Variants in BAZ2B observed in about 807,000 individuals in gnomAD.
The protein encoded by BAZ2B is bromodomain adjacent to zinc finger domain protein 2B.
In BAZ2B, 91 loss-of-function variants were observed where a neutral mutation model predicts 246.0. The observed-to-expected ratio is 0.37, with a 90% confidence interval of 0.31 to 0.44. The LOEUF (loss-of-function observed/expected upper bound fraction) is 0.44. Ranked by LOEUF, BAZ2B falls within the 20% of genes least tolerant of loss-of-function variation. The pLI, the probability that BAZ2B is intolerant of heterozygous loss-of-function variation, is 1.00. For synonymous variants in BAZ2B, 855 were observed against 860.0 expected (o/e 0.99, Z 0.10); for missense variants, 2,332 against 2,533.7 (o/e 0.92, Z 1.71).
intron 25 of BAZ2B, among the ~76,000 whole-genome samples, chr2:159,375,904 T>C (rs900585817): frequency 1.3e-5 from 2 of 152,172 alleles, no homozygotes; most frequent in Middle Eastern, 3.2e-3. Context: ...TTAGTTATAC[T>C]ATATACTTGA....
At chr2:159,553,392 C>CAAAAAAAAAAAAAAAAAGAAAAAAAAAAA (rs2088603461) in intron 2 of BAZ2B, among the ~76,000 whole-genome samples, 1 of 73,810 alleles carries the variant, frequency 1.4e-5, no homozygotes, top group Non-Finnish European at 2.5e-5. Flanking sequence ...GACTCTGTCT[C>CAAAAAAAAAAAAAAAAAGAAAAAAAAAAA]AAAAAAAAAA....
intron 27 of BAZ2B, among the ~76,000 whole-genome samples, chr2:159,351,167 G>A (rs930202149): frequency 1.3e-5 from 2 of 152,086 alleles, no homozygotes; most frequent in African/African-American, 2.4e-5. Context: ...ACTTCTAGGA[G>A]TTCTGTATGT....
chr2:159,708,121 G>T, the BAZ2B span, among the ~76,000 whole-genome samples: 1 of 152,020 alleles, frequency 6.6e-6, no homozygotes, highest in Non-Finnish European at 1.5e-5. Context: ...GACCAGCCTG[G>T]GCAGCAAAAA....
intron 1 of BAZ2B, among the ~76,000 whole-genome samples, chr2:159,613,188 T>G (rs1695063194): frequency 6.6e-6 from 1 of 152,114 alleles, no homozygotes; most frequent in Non-Finnish European, 1.5e-5. Flanking sequence ...TATCCTTCCT[T>G]CATTTAATAA....
intron 31 of BAZ2B, among the ~76,000 whole-genome samples, chr2:159,346,759 T>G (rs1412002189): frequency 6.6e-6 from 1 of 152,088 alleles, no homozygotes; most frequent in Non-Finnish European, 1.5e-5. Context: ...AAACCTTTCA[T>G]GCTTTTAAGG....
intron 27 of BAZ2B, among the ~76,000 whole-genome samples, chr2:159,353,329 A>G (rs1257318295): frequency 6.6e-6 from 1 of 152,256 alleles, no homozygotes; most frequent in African/African-American, 2.4e-5. Flanking sequence ...AATACATGAA[A>G]CAACAGTTTG....
At chr2:159,492,692 T>G (rs949171041) in intron 2 of BAZ2B, among the ~76,000 whole-genome samples, 1 of 152,230 alleles carries the variant, frequency 6.6e-6, no homozygotes, top group Non-Finnish European at 1.5e-5. Flanking sequence ...TATTAAGTTA[T>G]AAAATCTGGA....
chr2:159,428,830 T>C (rs2070508209), intron 11 of BAZ2B, among the ~76,000 whole-genome samples: 1 of 152,120 alleles, frequency 6.6e-6, no homozygotes, highest in Non-Finnish European at 1.5e-5. Context: ...TTAGCCAAAC[T>C]CTGGTTGAGT....
At chr2:159,624,462 G>A in the BAZ2B span, among the ~76,000 whole-genome samples, 1 of 152,188 alleles carries the variant, frequency 6.6e-6, no homozygotes, top group African/African-American at 2.4e-5. Context: ...GCCTCTGGCA[G>A]GTGCCCCTCT....
intron 4 of BAZ2B, among the ~76,000 whole-genome samples, chr2:159,452,333 G>A (rs2075201453): frequency 6.6e-6 from 1 of 152,246 alleles, no homozygotes; most frequent in East Asian, 1.9e-4. Flanking sequence ...ACCAATTATG[G>A]ACTAATTATG....
At chr2:159,362,473 A>C (rs1188447071) in intron 27 of BAZ2B, among the ~76,000 whole-genome samples, 1 of 152,196 alleles carries the variant, frequency 6.6e-6, no homozygotes, top group East Asian at 1.9e-4. Flanking sequence ...TGCATGTCCA[A>C]GTCCTGTGGA....
At chr2:159,520,290 T>C (rs1423206278) in intron 2 of BAZ2B, among the ~76,000 whole-genome samples, 1 of 152,150 alleles carries the variant, frequency 6.6e-6, no homozygotes, top group Non-Finnish European at 1.5e-5. Context: ...AGATCCTAAA[T>C]TTATGTCCTC....
intron 2 of BAZ2B, among the ~76,000 whole-genome samples, chr2:159,495,224 G>A (rs1460283723): frequency 2.6e-5 from 4 of 151,848 alleles, no homozygotes; most frequent in African/African-American, 9.7e-5. Flanking sequence ...GGTGGCTCAC[G>A]CCTGTAATCC....
intron 2 of BAZ2B, among the ~76,000 whole-genome samples, chr2:159,522,388 T>C (rs13018901): frequency 1.5e-4 from 23 of 152,288 alleles, no homozygotes; most frequent in African/African-American, 5.3e-4. Context: ...CAGGCTAATC[T>C]CTGGCATACA....
chr2:159,387,672 T>G lies in BAZ2B; in HGVS notation c.3217-1065A>C, dbSNP rs187665021. On this transcript the variant is annotated intron_variant, in intron 21 of 36. Transcript: ENST00000392783. The stretch of plus-strand genomic sequence containing the variant: ...ACCACAGGAAACATATACATTTCTA[T>G]GTAATTCTAAAAATTTATGTAGCAA... 1.1e-3 allele frequency among the ~76,000 whole-genome samples: 163 copies of G among 152,250 alleles called. 1 individual carries two copies. Among genetic ancestry groups the G allele is most frequent in the African/African-American group, 3.6e-3 (148 of 41,582 alleles).
chr2:159,692,998 A>G, the BAZ2B span, among the ~76,000 whole-genome samples: 1 of 152,108 alleles, frequency 6.6e-6, no homozygotes, highest in Non-Finnish European at 1.5e-5. Context: ...TTGTAGACAT[A>G]GGGTCTCACT....
chr2:159,660,743 G>A, the BAZ2B span, among the ~76,000 whole-genome samples: 93 of 152,058 alleles, frequency 6.1e-4, no homozygotes, highest in African/African-American at 2.0e-3. Flanking sequence ...GGGATTAGTC[G>A]TGCACCTCCA....
At chr2:159,699,414 G>A in the BAZ2B span, among the ~76,000 whole-genome samples, 4 of 152,050 alleles carry the variant, frequency 2.6e-5, no homozygotes, top group African/African-American at 9.7e-5. Context: ...GTGCAGGCCT[G>A]TAGTCCTAGG....
chr2:159,645,772 C>A, the BAZ2B span, among the ~76,000 whole-genome samples: 2 of 152,052 alleles, frequency 1.3e-5, no homozygotes, highest in African/African-American at 4.8e-5. Flanking sequence ...CATCACATGT[C>A]GGTAGGTTCC....
Sources: gnomAD v4.1 joint callset for allele counts (sites outside exome capture counted in the v4.1 genomes callset) on GRCh38, gnomAD v4.1.1 for gene constraint, MANE v1.5 for transcripts, NCBI Gene and HGNC (gene_info 2026-07-23, HGNC 2026-07-21) for gene names.